Variants in HYAL3 observed in about 807,000 individuals in gnomAD.
HYAL3 encodes hyaluronidase 3.
In HYAL3, 25 loss-of-function variants were observed where a neutral mutation model predicts 29.6. The ratio of observed to expected loss-of-function variants is 0.85; its 90% CI spans 0.62 to 1.18. The LOEUF is 1.18. Among genes scored for constraint, HYAL3 ranks in the 50% most tolerant of loss-of-function variants. The probability of loss-of-function intolerance (pLI) is 0.00; values close to 1 mark genes in which losing one functional copy is unlikely to be tolerated. For synonymous variants in HYAL3, 215 were observed against 218.3 expected (o/e 0.99, Z 0.13); for missense variants, 442 against 548.4 (o/e 0.81, Z 1.94).
intron 1 of HYAL3, chr3:50,296,790 G>T: frequency 6.3e-7 from 1 of 1,589,470 alleles, no homozygotes; most frequent in South Asian, 1.1e-5. Flanking sequence ...AGTCAGGTTT[G>T]GGGCCTTCCT....
Position 50,293,110 on chromosome 3 carries a change from G to A in HYAL3, c.*136C>T. On this transcript the variant is annotated 3_prime_UTR_variant, in exon 4 of 4. Transcript: ENST00000336307. ...TTTTTCTGGCCCCTTCTACCCCTCAGGGATTCCAAGGGAAGCGGGGTGTGT... is the reference window on the plus strand; with the variant it reads ...TTTTTCTGGCCCCTTCTACCCCTCAAGGATTCCAAGGGAAGCGGGGTGTGT... 6.8e-7 allele frequency: 1 copy of A among 1,476,176 alleles called. No individual in the cohort carries two copies. The highest frequency in any genetic ancestry group is 9.4e-7 in the Non-Finnish European group (1 of 1,061,228). 91.4% of individuals were successfully genotyped at this position (1,476,176 alleles called of 1,614,324 possible). A position where few individuals can be genotyped will look rare whatever the true frequency, so the allele number is the denominator to read the frequency against.
chr3:50,296,371 A>C, intron 1 of HYAL3: 10 of 569,758 alleles, frequency 1.8e-5, no homozygotes, highest in East Asian at 9.2e-5. Flanking sequence ...AGGTGAGGGT[A>C]GGGGGATCAA....
At chr3:50,296,357 T>C in intron 1 of HYAL3, 1 of 523,726 alleles carries the variant, frequency 1.9e-6, no homozygotes, top group Non-Finnish European at 3.4e-6. Context: ...GCAGAAGAGG[T>C]GAGAGGTGAG....
At position 50,299,345 on chromosome 3, in the gene HYAL3, C is replaced by G. The variant is rs1575508622; in HGVS notation, c.-150G>C. 2.5e-6 allele frequency: 4 copies of G among 1,569,184 alleles called. No individual in the cohort carries two copies. Among genetic ancestry groups the G allele is most frequent in the Non-Finnish European group, 3.4e-6 (4 of 1,159,930 alleles). On this transcript the variant is annotated 5_prime_UTR_variant, in exon 1 of 4. Transcript: ENST00000336307. Reference sequence around the variant, plus strand: ...GGTGCGGCGGATGTTCTGCAGCCGTCGCGTCCTGCGGCACGCCACGGCGTT... The same window carrying G: ...GGTGCGGCGGATGTTCTGCAGCCGTGGCGTCCTGCGGCACGCCACGGCGTT...
rs72932959 is a variant in HYAL3, at chr3:50,298,861, A to G, written c.-18+352T>C. Reference sequence around the variant, plus strand: ...CTGCAGCAGCCGCACCCTTTGGTCTAGAGGGAGGAAGCCCCAGGATCCGCC... The same window carrying G: ...CTGCAGCAGCCGCACCCTTTGGTCTGGAGGGAGGAAGCCCCAGGATCCGCC... On this transcript the variant is annotated intron_variant, in intron 1 of 3. Transcript: ENST00000336307. The G allele has an allele frequency of 0.032, 40,246 of 1,269,886 alleles. 6,857 individuals carry two copies. In the East Asian group the frequency reaches 0.56, roughly 18 times the overall value. 78.7% of individuals were successfully genotyped at this position (1,269,886 alleles called of 1,614,324 possible). A position where few individuals can be genotyped will look rare whatever the true frequency, so the allele number is the denominator to read the frequency against.
intron 1 of HYAL3, among the ~76,000 whole-genome samples, chr3:50,298,509 A>T (rs1342638737): frequency 6.6e-6 from 1 of 151,044 alleles, no homozygotes; most frequent in Non-Finnish European, 1.5e-5. Flanking sequence ...GGCACCCTAG[A>T]TAAGGACCAC....
Position 50,295,025 on chromosome 3 carries a change from G to A in HYAL3, c.578C>T (p.Pro193Leu), listed in dbSNP as rs1553710789. Residue 193 changes from proline (P) to leucine (L), a missense_variant, in exon 2 of 4, where the codon CCC becomes CTC. By Grantham distance (98) the Pro-to-Leu change is moderately conservative (BLOSUM62 -3). Coordinates refer to ENST00000336307, the MANE Select transcript of HYAL3 (RefSeq NM_003549.4). Reference protein sequence around the residue: ...DTLRVAQALRPHGLWGFYHYP... With the variant: ...DTLRVAQALRLHGLWGFYHYP... ...GTGATAGAAGCCCCAGAGTCCATGG[G>A]GCCGTAGTGCCTGGGCCACCCGCAG... 1 of 1,613,412 alleles carries A rather than the reference G, an allele frequency of 6.2e-7. No homozygotes were observed. The highest frequency in any genetic ancestry group is 1.7e-5 in the Admixed American group (1 of 60,012).
At chr3:50,296,351 AAGAGGTG>A (rs1478614302) in intron 1 of HYAL3, 23 of 527,120 alleles carry the variant, frequency 4.4e-5, no homozygotes, top group South Asian at 4.2e-4. Flanking sequence ...GGACCTGCAG[AAGAGGTG>A]AGAGGTGAGG....
chr3:50,298,821 C>A, intron 1 of HYAL3: 1 of 1,181,514 alleles, frequency 8.5e-7, no homozygotes, highest in Admixed American at 3.9e-5. Context: ...AGCCCCTCAC[C>A]TGCATCAGCC....
Position 50,297,115 on chromosome 3 carries a change from C to T in HYAL3, c.-17-1496G>A, listed in dbSNP as rs1553711383. The T allele has an allele frequency of 1.3e-6, 2 of 1,559,320 alleles. No individual in the cohort carries two copies. The highest frequency in any genetic ancestry group is 3.4e-4 in the Middle Eastern group (2 of 5,822). ...CGGGCATGGCCCACCACAACGGGTG[C>T]TGCTTCAAGTGTGGGGTGGGGGCTT... On this transcript the variant is annotated intron_variant, in intron 1 of 3. Coordinates refer to ENST00000336307, the MANE Select transcript of HYAL3 (RefSeq NM_003549.4). The surrounding 1 kb of genome is among the most constrained non-coding windows in gnomAD (Gnocchi z 4.3).
chr3:50,295,809 G>A (rs929217260), intron 1 of HYAL3, 190 bp from the exon 2 acceptor site: 9 of 572,606 alleles, frequency 1.6e-5, no homozygotes, highest in Admixed American at 5.7e-5. Context: ...ATGATGCCCC[G>A]GGCATCGAGT....
Position 50,296,692 on chromosome 3 carries a change from G to A in HYAL3, c.-17-1073C>T. ...AGGCTTTTTGAAGGGGGCCCTGATG[G>A]AACTGGGGGTGAGATGGTCAGGCAC... On this transcript the variant is annotated intron_variant, in intron 1 of 3. Coordinates refer to ENST00000336307, the MANE Select transcript of HYAL3 (RefSeq NM_003549.4). The A allele has an allele frequency of 2.5e-6, 4 of 1,613,832 alleles. No homozygotes were observed. Among genetic ancestry groups the A allele is most frequent in the Non-Finnish European group, 3.4e-6 (4 of 1,179,870 alleles).
chr3:50,298,866 G>A (rs1384289180), intron 1 of HYAL3: 4 of 1,287,262 alleles, frequency 3.1e-6, no homozygotes, highest in Middle Eastern at 3.1e-4. Flanking sequence ...GGTCTAGAGG[G>A]AGGAAGCCCC....
intron 1 of HYAL3, chr3:50,296,909 G>A: frequency 6.2e-7 from 1 of 1,609,192 alleles, no homozygotes; most frequent in South Asian, 1.1e-5. Flanking sequence ...GGTAGCCCAG[G>A]TGGGTATAGA....
chr3:50,297,081 C>T lies in HYAL3; in HGVS notation c.-17-1462G>A, dbSNP rs77944398. The T allele has an allele frequency of 3.6e-4, 558 of 1,539,316 alleles. 1 individual carries two copies. The African/African-American group carries it at 6.5e-3, about 18-fold the overall frequency. On this transcript the variant is annotated intron_variant, in intron 1 of 3. Transcript: ENST00000336307. This position sits in a 1 kb window ranked among gnomAD's most constrained non-coding sequence, Gnocchi z 4.3. Reference sequence around the variant, plus strand: ...GAGGCTCTGGGGCTGGTTCAGCACCCGTGACAGGCGGGCATGGCCCACCAC... The same window carrying T: ...GAGGCTCTGGGGCTGGTTCAGCACCTGTGACAGGCGGGCATGGCCCACCAC...
At chr3:50,295,824 G>C (rs1429300551) in intron 1 of HYAL3, 15 of 572,934 alleles carry the variant, frequency 2.6e-5, no homozygotes, top group Non-Finnish European at 4.3e-5. Flanking sequence ...TCGAGTGGCA[G>C]GTGCACACCA....
chr3:50,296,884 C>A (rs781995653), intron 1 of HYAL3: 1 of 1,606,044 alleles, frequency 6.2e-7, no homozygotes, highest in Admixed American at 1.7e-5. Flanking sequence ...AGGCCCTGCA[C>A]AGGCTCACCC....
At chr3:50,293,753 G>A (rs1553710499) in intron 2 of HYAL3, 32 bp from the exon 3 acceptor site, 8 of 1,594,586 alleles carry the variant, frequency 5.0e-6, no homozygotes, top group Non-Finnish European at 6.9e-6. Flanking sequence ...GCCAGTGCTG[G>A]GCTGGCCAGA....
chr3:50,298,463 C>T (rs1553711750), intron 1 of HYAL3, among the ~76,000 whole-genome samples: 1 of 151,826 alleles, frequency 6.6e-6, no homozygotes. Context: ...AGTATTGCCT[C>T]TGCAGGCTTG....
Sources: allele counts gnomAD v4.1 joint callset (sites outside exome capture counted in the v4.1 genomes callset), GRCh38; gene constraint gnomAD v4.1.1; non-coding constraint Gnocchi (gnomAD v3.1); transcripts MANE v1.5; gene names NCBI Gene and HGNC (gene_info 2026-07-23, HGNC 2026-07-21).